Variants in CHCHD3 observed in about 807,000 individuals in gnomAD.
CHCHD3 encodes the protein coiled-coil-helix-coiled-coil-helix domain containing 3, also known as MICOS complex subunit MIC19.
Under a neutral mutation model 38.2 loss-of-function variants are expected in CHCHD3, and 20 were observed. The observed-to-expected ratio is 0.52, with a 90% confidence interval of 0.37 to 0.76. The LOEUF is 0.76. Among genes scored for constraint, CHCHD3 ranks in the 30% least tolerant of loss-of-function variants. The pLI is 0.00. For missense variants in CHCHD3, 245 were observed against 279.2 expected (o/e 0.88, Z 0.87); for synonymous variants, 82 against 100.0 (o/e 0.82, Z 1.07).
intron 6 of CHCHD3, among the ~76,000 whole-genome samples, chr7:132,823,090 T>G (rs993401149): frequency 7.2e-5 from 11 of 152,216 alleles, no homozygotes; most frequent in Non-Finnish European, 1.6e-4. Context: ...CTCATAGAGA[T>G]AAATGTGAAA....
At chr7:132,828,483 A>G (rs1032755954) in intron 6 of CHCHD3, among the ~76,000 whole-genome samples, 6 of 152,206 alleles carry the variant, frequency 3.9e-5, no homozygotes, top group Non-Finnish European at 8.8e-5. Flanking sequence ...ATAAGGTCCA[A>G]TCTAACAATT....
chr7:132,957,123 T>C (rs1258798120), intron 4 of CHCHD3, among the ~76,000 whole-genome samples: 3 of 152,160 alleles, frequency 2.0e-5, no homozygotes, highest in Non-Finnish European at 4.4e-5. Flanking sequence ...GACTGAAATA[T>C]ACCCTAGACA....
At chr7:132,973,091 A>G (rs1037819484) in intron 4 of CHCHD3, 9 of 985,170 alleles carry the variant, frequency 9.1e-6, no homozygotes, top group African/African-American at 1.7e-5. Context: ...ATATTTAATG[A>G]GTTTTTTGAG....
chr7:132,936,921 G>A (rs138983104), intron 4 of CHCHD3, among the ~76,000 whole-genome samples: 14 of 152,146 alleles, frequency 9.2e-5, no homozygotes, highest in African/African-American at 3.4e-4. Flanking sequence ...CAAGAAAATT[G>A]GAGTTGCTCA....
chr7:132,963,640 A>T lies in CHCHD3; in HGVS notation c.369+11529T>A, dbSNP rs1172679817. Among the ~76,000 whole-genome samples, 3 of 151,604 alleles carry T rather than the reference A, an allele frequency of 2.0e-5. No individual in the cohort carries two copies. The South Asian group carries it at 6.2e-4, about 32-fold the overall frequency. ...TGAGACTCCATCTCAAAAAAAAAAA[A>T]AAATTGTAATTTCCTAGTGTCTCTA... On this transcript the variant is annotated intron_variant, in intron 4 of 7. Coordinates refer to ENST00000262570, the MANE Select transcript of CHCHD3 (RefSeq NM_017812.4).
chr7:132,972,476 G>A, intron 4 of CHCHD3: 2 of 642,170 alleles, frequency 3.1e-6, no homozygotes, highest in Non-Finnish European at 1.9e-6. Flanking sequence ...CTGAATTGTA[G>A]TACATTGAGT....
At chr7:132,827,763 GAACC>G (rs1807542351) in intron 6 of CHCHD3, among the ~76,000 whole-genome samples, 1 of 152,138 alleles carries the variant, frequency 6.6e-6, no homozygotes, top group South Asian at 2.1e-4. Context: ...TCGTTTAAAT[GAACC>G]ACATAGGAAG....
intron 6 of CHCHD3, among the ~76,000 whole-genome samples, chr7:132,801,105 T>G (rs996362191): frequency 3.9e-5 from 6 of 152,214 alleles, no homozygotes; most frequent in African/African-American, 1.4e-4. Context: ...CTAGGCACAT[T>G]GCCAATATTT....
At chr7:133,023,864 G>C (rs991586090) in intron 3 of CHCHD3, among the ~76,000 whole-genome samples, 6 of 152,054 alleles carry the variant, frequency 3.9e-5, no homozygotes, top group Non-Finnish European at 7.4e-5. Flanking sequence ...AATTAATTCA[G>C]CCAGTCCTCG....
At chr7:132,883,347 T>A (rs1809120295) in intron 5 of CHCHD3, among the ~76,000 whole-genome samples, 1 of 152,162 alleles carries the variant, frequency 6.6e-6, no homozygotes, top group Non-Finnish European at 1.5e-5. Context: ...GTAAGTACTA[T>A]TAAATCATCA....
intron 4 of CHCHD3, among the ~76,000 whole-genome samples, chr7:132,925,102 T>C (rs754340563): frequency 6.6e-6 from 1 of 152,068 alleles, no homozygotes; most frequent in Non-Finnish European, 1.5e-5. Context: ...GTGAGGGAGC[T>C]TTGAGGAAAA....
At chr7:132,859,759 C>T (rs1289428532) in intron 5 of CHCHD3, among the ~76,000 whole-genome samples, 1 of 152,132 alleles carries the variant, frequency 6.6e-6, no homozygotes, top group African/African-American at 2.4e-5. Context: ...AAGTAACCCC[C>T]AGTTCAGACC....
intron 7 of CHCHD3, among the ~76,000 whole-genome samples, chr7:132,791,674 C>T (rs1806463799): frequency 6.6e-6 from 1 of 152,156 alleles, no homozygotes; most frequent in African/African-American, 2.4e-5. Flanking sequence ...ATGAAATTGT[C>T]CTTCAGAAGG....
intron 7 of CHCHD3, among the ~76,000 whole-genome samples, chr7:132,786,549 T>C (rs1806323146): frequency 6.6e-6 from 1 of 152,184 alleles, no homozygotes; most frequent in South Asian, 2.1e-4. Flanking sequence ...CCTTCATTTT[T>C]AGAGGTCTTT....
chr7:132,889,044 A>C (rs1809294932), intron 4 of CHCHD3, among the ~76,000 whole-genome samples: 2 of 152,216 alleles, frequency 1.3e-5, no homozygotes, highest in East Asian at 3.9e-4. Context: ...GATCAGAAAA[A>C]ATCTTTTAAA....
intron 2 of CHCHD3, among the ~76,000 whole-genome samples, chr7:133,033,859 T>A (rs1370456052): frequency 6.6e-6 from 1 of 152,106 alleles, no homozygotes; most frequent in Non-Finnish European, 1.5e-5. Flanking sequence ...TTTTTTTCTC[T>A]CCTGATGTCC....
chr7:132,973,881 C>T (rs1811684311), intron 4 of CHCHD3: 2 of 1,183,842 alleles, frequency 1.7e-6, no homozygotes, highest in South Asian at 1.6e-5. Flanking sequence ...TCCATGGTCC[C>T]ATTTTCCCTG....
intron 4 of CHCHD3, among the ~76,000 whole-genome samples, chr7:132,927,938 T>C (rs1810414474): frequency 6.6e-6 from 1 of 151,814 alleles, no homozygotes; most frequent in Non-Finnish European, 1.5e-5. Flanking sequence ...CATTTATTCA[T>C]ACAAAAAAAA....
intron 5 of CHCHD3, among the ~76,000 whole-genome samples, chr7:132,855,544 T>C (rs1404441008): frequency 6.6e-6 from 1 of 152,214 alleles, no homozygotes; most frequent in Non-Finnish European, 1.5e-5. Flanking sequence ...TTTATCTTTT[T>C]GTATTTCAAA....
Sources: gnomAD v4.1 joint callset for allele counts (sites outside exome capture counted in the v4.1 genomes callset) on GRCh38, gnomAD v4.1.1 for gene constraint, MANE v1.5 for transcripts, NCBI Gene and HGNC (gene_info 2026-07-23, HGNC 2026-07-21) for gene names.